CLDN10: variants seen among roughly 807,000 people sequenced by gnomAD.
CLDN10 encodes the protein claudin-10.
In CLDN10, 15 loss-of-function variants were observed where a neutral mutation model predicts 22.9. The observed-to-expected ratio is 0.65, with a 90% confidence interval of 0.44 to 1.01. The LOEUF is 1.01. Among genes scored for constraint, CLDN10 ranks in the 50% least tolerant of loss-of-function variants. The pLI, the probability that CLDN10 is intolerant of heterozygous loss-of-function variation, is 0.00. For synonymous variants in CLDN10, 114 were observed against 111.4 expected (o/e 1.02, Z -0.15); for missense variants, 247 against 287.8 (o/e 0.86, Z 1.03).
At chr13:95,454,438 AAGAG>A (rs936195520) in intron 1 of CLDN10, among the ~76,000 whole-genome samples, 1 of 151,694 alleles carries the variant, frequency 6.6e-6, no homozygotes, top group Non-Finnish European at 1.5e-5. Flanking sequence ...TCAAAATTGA[AAGAG>A]AGAGAGAGAG....
intron 1 of CLDN10, among the ~76,000 whole-genome samples, chr13:95,441,287 G>T (rs1401449812): frequency 6.6e-6 from 1 of 152,152 alleles, no homozygotes; most frequent in Non-Finnish European, 1.5e-5. Flanking sequence ...ACAGGGTCTT[G>T]CTCTGTCTCC....
chr13:95,444,707 T>G (rs2042355705), intron 1 of CLDN10, among the ~76,000 whole-genome samples: 1 of 152,240 alleles, frequency 6.6e-6, no homozygotes, highest in African/African-American at 2.4e-5. Context: ...TGCATGTTTC[T>G]GAGAAGAATG....
At position 95,444,929 on chromosome 13, in the gene CLDN10, C is replaced by A. The variant is rs150067752; in HGVS notation, c.214+10882C>A. 7.9e-5 allele frequency among the ~76,000 whole-genome samples: 12 copies of A among 152,272 alleles called. No homozygotes were observed. The East Asian group carries it at 2.3e-3, about 29-fold the overall frequency. On this transcript the variant is annotated intron_variant, in intron 1 of 4. Coordinates refer to the CLDN10 transcript ENST00000376873. ...CGTGCCTCAGCACAGATGTGCATCACCATTCCTGGCTAATTTTTGTATTTT... is the reference window on the plus strand; with the variant it reads ...CGTGCCTCAGCACAGATGTGCATCAACATTCCTGGCTAATTTTTGTATTTT...
chr13:95,496,873 C>T (rs955748578), intron 1 of CLDN10, among the ~76,000 whole-genome samples: 1 of 152,152 alleles, frequency 6.6e-6, no homozygotes, highest in Non-Finnish European at 1.5e-5. Flanking sequence ...CTCATTGCAC[C>T]ATCTGCTACT....
At chr13:95,568,561 T>C (rs1000601) in intron 3 of CLDN10, among the ~76,000 whole-genome samples, 45,865 of 151,950 alleles carry the variant, frequency 0.3, 7,269 homozygotes, top group Non-Finnish European at 0.35. Flanking sequence ...GCATTTTGGG[T>C]GGGGTGTCCC....
intron 1 of CLDN10, among the ~76,000 whole-genome samples, chr13:95,557,461 A>G (rs998991739): frequency 6.6e-6 from 1 of 152,198 alleles, no homozygotes; most frequent in Admixed American, 6.5e-5. Context: ...TACAAATCTC[A>G]GGCTTACGAG....
chr13:95,473,982 G>A (rs1233354157), intron 1 of CLDN10, among the ~76,000 whole-genome samples: 1 of 152,254 alleles, frequency 6.6e-6, no homozygotes, highest in Non-Finnish European at 1.5e-5. Flanking sequence ...CGGTTTCGTG[G>A]AAGACAGTTT....
At chr13:95,532,107 G>A (rs890598427) in intron 1 of CLDN10, among the ~76,000 whole-genome samples, 2 of 152,168 alleles carry the variant, frequency 1.3e-5, no homozygotes, top group African/African-American at 2.4e-5. Context: ...GTAGGCAAAG[G>A]TTTCATAAGA....
At chr13:95,514,941 G>A (rs2043148104) in intron 1 of CLDN10, among the ~76,000 whole-genome samples, 1 of 152,180 alleles carries the variant, frequency 6.6e-6, no homozygotes, top group South Asian at 2.1e-4. Context: ...AGATGGTAAA[G>A]AGGAGACAGA....
Position 95,462,620 on chromosome 13 carries a change from G to A in CLDN10, c.214+28573G>A, listed in dbSNP as rs374986331. On this transcript the variant is annotated intron_variant, in intron 1 of 4. Coordinates refer to the CLDN10 transcript ENST00000376873. Reference sequence around the variant, plus strand: ...GAGGAAAAAGGAGTCAGGGCCTGGGGACCACTTGGCAGAGGAGTTAGTTTT... The same window carrying A: ...GAGGAAAAAGGAGTCAGGGCCTGGGAACCACTTGGCAGAGGAGTTAGTTTT... Among the ~76,000 whole-genome samples, 147 of 152,266 alleles carry A rather than the reference G, an allele frequency of 9.7e-4. 6 individuals carry two copies. In the South Asian group the frequency reaches 0.029, roughly 30 times the overall value.
intron 1 of CLDN10, among the ~76,000 whole-genome samples, chr13:95,509,116 G>A (rs2043069456): frequency 6.6e-6 from 1 of 152,188 alleles, no homozygotes; most frequent in Non-Finnish European, 1.5e-5. Flanking sequence ...ATGTAAGGCA[G>A]TAACAGAAGC....
Position 95,444,532 on chromosome 13 carries a change from C to G in CLDN10, c.214+10485C>G, listed in dbSNP as rs117670459. On this transcript the variant is annotated intron_variant, in intron 1 of 4. Transcript: ENST00000376873. ...TAAAGCAACCATTTGGCAATTAGCC[C>G]AGAATGCTAAATGTTATTGGACGGT... 3.4e-3 allele frequency among the ~76,000 whole-genome samples: 524 copies of G among 152,256 alleles called. 3 individuals are homozygous for G. The highest frequency in any genetic ancestry group is 5.5e-3 in the Non-Finnish European group (374 of 68,020).
At chr13:95,511,666 T>A (rs1380125297) in intron 1 of CLDN10, among the ~76,000 whole-genome samples, 1 of 151,122 alleles carries the variant, frequency 6.6e-6, no homozygotes, top group African/African-American at 2.4e-5. Context: ...GTTCTGTTTG[T>A]ATATCTGTTT....
At chr13:95,555,865 T>C (rs1207138056) in intron 1 of CLDN10, among the ~76,000 whole-genome samples, 1 of 152,086 alleles carries the variant, frequency 6.6e-6, no homozygotes, top group Admixed American at 6.6e-5. Context: ...GGTCCTGACA[T>C]TGCCTTTGGA....
intron 1 of CLDN10, among the ~76,000 whole-genome samples, chr13:95,519,083 G>A (rs972016289): frequency 2.0e-5 from 3 of 152,106 alleles, no homozygotes; most frequent in African/African-American, 7.2e-5. Flanking sequence ...GCTGTTCTGG[G>A]GTATCAAAGA....
At chr13:95,526,730 T>C (rs2138595740) in intron 1 of CLDN10, among the ~76,000 whole-genome samples, 1 of 152,142 alleles carries the variant, frequency 6.6e-6, no homozygotes, top group African/African-American at 2.4e-5. Flanking sequence ...GAGGTTGCAG[T>C]GAACCAATGT....
At chr13:95,553,037 C>G in intron 1 of CLDN10, 64 bp downstream of exon 1, 1 of 1,580,620 alleles carries the variant, frequency 6.3e-7, no homozygotes, top group Non-Finnish European at 8.6e-7. Flanking sequence ...GCTAGGCGCC[C>G]TCTCGCCCCC....
intron 1 of CLDN10, among the ~76,000 whole-genome samples, chr13:95,475,207 C>T (rs1040173199): frequency 6.6e-6 from 1 of 152,198 alleles, no homozygotes; most frequent in Non-Finnish European, 1.5e-5. Context: ...GAGCCCACCC[C>T]TGCCCCCTGC....
At position 95,507,616 on chromosome 13, in the gene CLDN10, C is replaced by CA. The variant is rs555349763; in HGVS notation, c.215-52505dup. Among the ~76,000 whole-genome samples the CA allele has an allele frequency of 5.6e-3, 815 of 146,394 alleles. 18 individuals are homozygous for CA. Among genetic ancestry groups the CA allele is most frequent in the East Asian group, 0.041 (206 of 5,020 alleles). ...CCCCTGGGCAACATAGTGACACCTG[C>CA]AAAAAAAAAAATTTTTTTTTTTTTG... On this transcript the variant is annotated intron_variant, in intron 1 of 4. Transcript: ENST00000376873.
Sources: allele counts gnomAD v4.1 joint callset (sites outside exome capture counted in the v4.1 genomes callset), GRCh38; gene constraint gnomAD v4.1.1; transcripts MANE v1.5; gene names NCBI Gene and HGNC (gene_info 2026-07-23, HGNC 2026-07-21).